Variants in ULK4 observed in about 807,000 individuals in gnomAD.
The protein encoded by ULK4 is inactive serine/threonine-protein kinase ULK4.
In ULK4, 133 loss-of-function variants were observed where a neutral mutation model predicts 160.6. That is an observed-to-expected ratio of 0.83 (90% CI 0.72 to 0.96). ULK4 has a LOEUF of 0.96. ULK4 is among the 40% of genes least tolerant of loss of function. The pLI is 0.00. For missense variants in ULK4, 1,580 were observed against 1,499.5 expected (o/e 1.05, Z -0.89); for synonymous variants, 534 against 539.8 (o/e 0.99, Z 0.15).
At chr3:41,722,531 T>A (rs2125853389) in intron 22 of ULK4, among the ~76,000 whole-genome samples, 1 of 152,228 alleles carries the variant, frequency 6.6e-6, no homozygotes, top group East Asian at 1.9e-4. Flanking sequence ...CCCGGGAGGC[T>A]GAGGCAGGAG....
At chr3:41,834,933 A>G (rs996844804) in intron 18 of ULK4, among the ~76,000 whole-genome samples, 1 of 152,150 alleles carries the variant, frequency 6.6e-6, no homozygotes, top group African/African-American at 2.4e-5. Context: ...TAGTTTTTAT[A>G]TATTAATATA....
intron 32 of ULK4, among the ~76,000 whole-genome samples, chr3:41,466,732 GA>G (rs1247275787): frequency 6.6e-6 from 1 of 151,908 alleles, no homozygotes; most frequent in Non-Finnish European, 1.5e-5. Flanking sequence ...CAAAGAATAG[GA>G]AAAAATATTC....
intron 31 of ULK4, among the ~76,000 whole-genome samples, chr3:41,590,608 CCTGGGCAACAGAGA>C (rs2031223487): frequency 6.6e-6 from 1 of 151,550 alleles, no homozygotes; most frequent in South Asian, 2.1e-4. Flanking sequence ...TGCACTCCAG[CCTGGGCAACAGAGA>C]GGGACTCTGT....
intron 32 of ULK4, among the ~76,000 whole-genome samples, chr3:41,533,734 T>C (rs1158708631): frequency 2.6e-5 from 4 of 152,234 alleles, no homozygotes; most frequent in Non-Finnish European, 5.9e-5. Flanking sequence ...GAAAAGTTCG[T>C]CAGCCCCTGC....
intron 30 of ULK4, among the ~76,000 whole-genome samples, chr3:41,655,518 A>T (rs2034907316): frequency 6.6e-6 from 1 of 152,156 alleles, no homozygotes; most frequent in Non-Finnish European, 1.5e-5. Flanking sequence ...ACTACAACTT[A>T]AAGTATAATA....
intron 32 of ULK4, among the ~76,000 whole-genome samples, chr3:41,536,819 G>A (rs865846783): frequency 6.6e-6 from 1 of 151,684 alleles, no homozygotes; most frequent in African/African-American, 2.4e-5. Flanking sequence ...GGAGAGGCAG[G>A]CACACTCAGT....
At chr3:41,302,791 G>T (rs2079825925) in intron 35 of ULK4, among the ~76,000 whole-genome samples, 1 of 152,120 alleles carries the variant, frequency 6.6e-6, no homozygotes, top group South Asian at 2.1e-4. Context: ...GGGGACTATG[G>T]ATAATTGAAA....
intron 17 of ULK4, among the ~76,000 whole-genome samples, chr3:41,873,263 A>G (rs1284988961): frequency 3.1e-5 from 4 of 128,990 alleles, no homozygotes; most frequent in Non-Finnish European, 6.6e-5. Context: ...CCATTTTTCT[A>G]AAAGGATAGC....
chr3:41,436,777 C>A (rs1328530866), intron 34 of ULK4, among the ~76,000 whole-genome samples: 1 of 152,102 alleles, frequency 6.6e-6, no homozygotes, highest in Non-Finnish European at 1.5e-5. Context: ...CAATCAAGGC[C>A]CCCATGTCCT....
intron 35 of ULK4, among the ~76,000 whole-genome samples, chr3:41,364,728 A>C (rs2081220116): frequency 6.6e-6 from 1 of 152,190 alleles, no homozygotes; most frequent in African/African-American, 2.4e-5. Context: ...ACAAACACAA[A>C]TTGGAGTTCC....
At chr3:41,917,261 TGA>T (rs1345225343) in intron 7 of ULK4, among the ~76,000 whole-genome samples, 1 of 152,126 alleles carries the variant, frequency 6.6e-6, no homozygotes, top group Non-Finnish European at 1.5e-5. Flanking sequence ...CCCAGCACTT[TGA>T]GAGGCCAAGG....
chr3:41,532,612 G>T (rs978726527), intron 32 of ULK4, among the ~76,000 whole-genome samples: 1 of 151,984 alleles, frequency 6.6e-6, no homozygotes, highest in African/African-American at 2.4e-5. Flanking sequence ...CTAGATCTGG[G>T]GTGGCAAACT....
At chr3:41,846,744 G>A (rs1178052481) in intron 17 of ULK4, among the ~76,000 whole-genome samples, 3 of 148,640 alleles carry the variant, frequency 2.0e-5, no homozygotes, top group Non-Finnish European at 4.4e-5. Flanking sequence ...GGGAGAGGTT[G>A]CAGCAAGCCA....
intron 30 of ULK4, among the ~76,000 whole-genome samples, chr3:41,657,818 T>TAAAAAAAAAAAAACAAAA (rs1553628510): frequency 1.0e-5 from 1 of 99,760 alleles, no homozygotes; most frequent in Non-Finnish European, 1.8e-5. Flanking sequence ...TCCATCTCAT[T>TAAAAAAAAAAAAACAAAA]AAAAAAAAAA....
At chr3:41,461,706 A>G (rs2083688414) in intron 33 of ULK4, among the ~76,000 whole-genome samples, 1 of 152,168 alleles carries the variant, frequency 6.6e-6, no homozygotes, top group Non-Finnish European at 1.5e-5. Context: ...CTACCTAATC[A>G]CTTGTAGTAA....
At chr3:41,860,230 A>C (rs2042469609) in intron 17 of ULK4, among the ~76,000 whole-genome samples, 1 of 152,154 alleles carries the variant, frequency 6.6e-6, no homozygotes, top group African/African-American at 2.4e-5. Flanking sequence ...TGTTCTGTAA[A>C]TATTAGATCC....
intron 19 of ULK4, among the ~76,000 whole-genome samples, chr3:41,806,495 T>C (rs2125613720): frequency 6.6e-6 from 1 of 152,350 alleles, no homozygotes; most frequent in African/African-American, 2.4e-5. Flanking sequence ...TCAGTTCTGC[T>C]CTGATTTTAG....
intron 12 of ULK4, among the ~76,000 whole-genome samples, chr3:41,901,416 A>C (rs544745301): frequency 1.3e-5 from 2 of 148,388 alleles, no homozygotes; most frequent in South Asian, 4.3e-4. Context: ...TCCTGACCTC[A>C]TGATCCACCT....
intron 22 of ULK4, among the ~76,000 whole-genome samples, chr3:41,740,662 T>C (rs1313163930): frequency 2.6e-5 from 4 of 151,898 alleles, no homozygotes; most frequent in African/African-American, 9.7e-5. Context: ...GTGATGATGG[T>C]ATGCAGAAAA....
Sources: allele counts gnomAD v4.1 joint callset (sites outside exome capture counted in the v4.1 genomes callset), GRCh38; gene constraint gnomAD v4.1.1; transcripts MANE v1.5; gene names NCBI Gene and HGNC (gene_info 2026-07-23, HGNC 2026-07-21).